SPATA6L: variants seen among roughly 807,000 people sequenced by gnomAD.
SPATA6L encodes spermatogenesis associated 6-like protein.
A neutral mutation model predicts 49.2 loss-of-function variants in SPATA6L; 68 were observed. The observed-to-expected ratio is 1.38, with a 90% CI of 1.14 to 1.69. The LOEUF (loss-of-function observed/expected upper bound fraction) is 1.69. SPATA6L is among the 40% of genes most tolerant of loss of function. SPATA6L has a pLI of 0.00. For missense variants in SPATA6L, 668 were observed against 464.3 expected, an observed-to-expected ratio of 1.44 and a Z score of -4.03; for synonymous variants, 198 against 165.7, an observed-to-expected ratio of 1.19 and a Z score of -1.50.
At chr9:4,635,094 C>G (rs538396515) in intron 4 of SPATA6L, among the ~76,000 whole-genome samples, 181 bp downstream of exon 4, 10 of 152,288 alleles carry the variant, frequency 6.6e-5, no homozygotes, top group African/African-American at 1.9e-4. Context: ...ACTTCCACCT[C>G]TCAGATCAAT....
Position 4,605,264 on chromosome 9 carries a change from T to A in SPATA6L, c.1089+83A>T, listed in dbSNP as rs1389191101. On this transcript the variant is annotated intron_variant, in intron 10 of 11. Transcript: ENST00000682582. ...CTTATTTCTGTGGTTATTTGATTAA[T>A]GTCTGTCTCCCCGACTAGACTGTAG... is the stretch of plus-strand genomic sequence containing the variant. 1.2e-5 allele frequency: 12 copies of A among 1,031,046 alleles called. No homozygotes were observed. In the East Asian group the frequency reaches 2.9e-4, roughly 25 times the overall value. The allele number at this position is 1,031,046 out of a possible 1,614,324, so 63.9% of individuals were successfully genotyped here.
chr9:4,606,043 G>A (rs1404522228), intron 9 of SPATA6L, among the ~76,000 whole-genome samples: 1 of 150,796 alleles, frequency 6.6e-6, no homozygotes, highest in African/African-American at 2.5e-5. Context: ...TCAAAGAAAG[G>A]GGTGACAGAT....
At chr9:4,666,110 T>C in intron 1 of SPATA6L, 102 bp downstream of exon 1, 3 of 1,011,144 alleles carry the variant, frequency 3.0e-6, no homozygotes, top group Non-Finnish European at 4.7e-6. Context: ...TAATGATGTG[T>C]TTGTGGTAAG....
chr9:4,637,883 T>TA (rs886862642), intron 3 of SPATA6L, among the ~76,000 whole-genome samples: 5 of 152,098 alleles, frequency 3.3e-5, no homozygotes, highest in African/African-American at 1.2e-4. Context: ...TCCACACTGT[T>TA]AAAAAAAGGA....
chr9:4,613,747 C>T (rs115438409), intron 9 of SPATA6L, among the ~76,000 whole-genome samples: 3,638 of 152,118 alleles, frequency 0.024, 129 homozygotes, highest in African/African-American at 0.079. Flanking sequence ...CCAAGCCCAG[C>T]GAATTTTTGT....
chr9:4,593,732 C>A (rs77651669), downstream of SPATA6L, among the ~76,000 whole-genome samples: 1 of 152,144 alleles, frequency 6.6e-6, no homozygotes, highest in Non-Finnish European at 1.5e-5. Flanking sequence ...TGTTGATTAG[C>A]TTTATATTCC....
At chr9:4,597,718 C>G (rs1027016613), downstream of SPATA6L, among the ~76,000 whole-genome samples, 3 of 152,186 alleles carry the variant, frequency 2.0e-5, no homozygotes, top group Non-Finnish European at 4.4e-5. Context: ...GTTCCCAGCA[C>G]AAGGGAAGAG....
Position 4,662,465 on chromosome 9 carries a change from C to A in SPATA6L, c.40-429G>T. On this transcript the variant is annotated intron_variant, in intron 1 of 11. Coordinates refer to ENST00000682582, the MANE Select transcript of SPATA6L (RefSeq NM_001353486.2). This position sits in a 1 kb window ranked among gnomAD's most constrained non-coding sequence, Gnocchi z 4.9. ...GCAGCCCCGGCAGCCCAGCCCATGG[C>A]GGCGGTGGCGGCGGCAGCAGGTTTG... 1 of 1,546,362 alleles carries A rather than the reference C, an allele frequency of 6.5e-7. No individual in the cohort carries two copies. The highest frequency in any genetic ancestry group is 8.7e-7 in the Non-Finnish European group (1 of 1,155,458).
chr9:4,657,002 G>A (rs374734), intron 2 of SPATA6L, among the ~76,000 whole-genome samples: 2 of 151,882 alleles, frequency 1.3e-5, no homozygotes, highest in African/African-American at 4.8e-5. Flanking sequence ...TAAGTGTATC[G>A]TGAAGCACAA....
intron 3 of SPATA6L, among the ~76,000 whole-genome samples, chr9:4,638,909 C>T (rs963130577): frequency 2.6e-5 from 4 of 151,938 alleles, no homozygotes; most frequent in African/African-American, 7.3e-5. Flanking sequence ...CTCAGCCTCC[C>T]GAGTAACTGG....
At chr9:4,606,031 A>G (rs1824800067) in intron 9 of SPATA6L, among the ~76,000 whole-genome samples, 1 of 151,504 alleles carries the variant, frequency 6.6e-6, no homozygotes, top group Admixed American at 6.5e-5. Flanking sequence ...TCCCTTTCCG[A>G]GTCAAAGAAA....
intron 5 of SPATA6L, chr9:4,625,957 T>C (rs893038377): frequency 3.2e-5 from 5 of 158,426 alleles, no homozygotes; most frequent in African/African-American, 1.2e-4. Flanking sequence ...AAAATGCTTA[T>C]GATAGTTTAA....
intron 2 of SPATA6L, among the ~76,000 whole-genome samples, chr9:4,660,113 T>C (rs578194095): frequency 1.3e-5 from 2 of 152,290 alleles, no homozygotes; most frequent in Admixed American, 6.5e-5. Flanking sequence ...TCAGGACATA[T>C]GCATGGGCAA....
intron 13 of SPATA6L, among the ~76,000 whole-genome samples, chr9:4,591,688 C>G (rs1312099476): frequency 6.6e-6 from 1 of 152,198 alleles, no homozygotes; most frequent in East Asian, 1.9e-4. Flanking sequence ...ATCCAAGGCT[C>G]TCTGCTCCAT....
At chr9:4,637,625 GC>G (rs1055336423) in intron 3 of SPATA6L, among the ~76,000 whole-genome samples, 4 of 152,214 alleles carry the variant, frequency 2.6e-5, no homozygotes, top group Admixed American at 2.6e-4. Flanking sequence ...TCTTCAACAA[GC>G]CCCCTGAAAT....
intron 6 of SPATA6L, among the ~76,000 whole-genome samples, chr9:4,623,100 A>T (rs1330430450): frequency 1.3e-5 from 2 of 152,072 alleles, no homozygotes; most frequent in Non-Finnish European, 2.9e-5. Flanking sequence ...ACCAGCATGG[A>T]GAAACCCCGT....
chr9:4,592,736 T>C lies in SPATA6L; in HGVS notation c.*254+3699A>G, dbSNP rs146839706. ...AATACTGCATTGTATACTTACAAAT[T>C]TGCTAATATAGTAGCTCTTACGTTG... is the stretch of plus-strand genomic sequence containing the variant. On this transcript the variant is annotated intron_variant and NMD_transcript_variant, in intron 13 of 13. Coordinates refer to the SPATA6L transcript ENST00000461761. Among the ~76,000 whole-genome samples the C allele has an allele frequency of 5.9e-5, 9 of 152,356 alleles. No homozygotes were observed. The East Asian group carries it at 1.7e-3, about 29-fold the overall frequency.
At chr9:4,636,444 C>A (rs911481142) in intron 3 of SPATA6L, among the ~76,000 whole-genome samples, 2 of 152,148 alleles carry the variant, frequency 1.3e-5, no homozygotes, top group Non-Finnish European at 2.9e-5. Context: ...GATCTTGGGT[C>A]TAATGGGATG....
chr9:4,611,694 T>A (rs938209515), intron 9 of SPATA6L, among the ~76,000 whole-genome samples: 2,523 of 150,082 alleles, frequency 0.017, 79 homozygotes, highest in African/African-American at 0.06. Flanking sequence ...ATACACCTAA[T>A]GCTAGATGAC....
Sources: gnomAD v4.1 joint callset for allele counts (sites outside exome capture counted in the v4.1 genomes callset) on GRCh38, gnomAD v4.1.1 for gene constraint, Gnocchi (gnomAD v3.1) non-coding constraint, MANE v1.5 for transcripts, NCBI Gene and HGNC (gene_info 2026-07-23, HGNC 2026-07-21) for gene names.